EIF3J: variants seen among roughly 807,000 people sequenced by gnomAD.
EIF3J encodes eukaryotic translation initiation factor 3 subunit J.
A neutral mutation model predicts 39.0 loss-of-function variants in EIF3J; 15 were observed. The ratio of observed to expected loss-of-function variants is 0.38; its 90% CI spans 0.26 to 0.59. The LOEUF (loss-of-function observed/expected upper bound fraction) is 0.59, where lower values mean the gene tolerates loss of function less well. Ranked by LOEUF, EIF3J falls within the 20% of genes least tolerant of loss-of-function variation. The pLI, the probability that EIF3J is intolerant of heterozygous loss-of-function variation, is 0.60. For synonymous variants in EIF3J, 98 were observed against 112.9 expected, an observed-to-expected ratio of 0.87 and a Z score of 0.84; for missense variants, 226 against 308.6, an observed-to-expected ratio of 0.73 and a Z score of 2.00.
Position 44,557,517 on chromosome 15 carries a change from T to G in EIF3J, c.438T>G (p.Asp146Glu), listed in dbSNP as rs780564405. Residue 146 changes from aspartate (D) to glutamate (E), a missense_variant, in exon 6 of 8, where the codon GAT (aspartate) becomes GAG (glutamate). Asp to Glu is a conservative substitution (Grantham distance 45). Coordinates refer to ENST00000261868, the MANE Select transcript of EIF3J (RefSeq NM_003758.4). ...TTAATAATGCAGTTTATGGAATAGATGCTATGAACCCATCTTCAAGAGATG... is the reference window on the plus strand; with the variant it reads ...TTAATAATGCAGTTTATGGAATAGAGGCTATGAACCCATCTTCAAGAGATG... ...FGVNNAVYGI[D>E]AMNPSSRDDF... 1.2e-5 allele frequency: 19 copies of G among 1,543,712 alleles called. No individual in the cohort carries two copies. In the South Asian group the frequency reaches 2.4e-4, roughly 19 times the overall value.
intron 2 of EIF3J, among the ~76,000 whole-genome samples, chr15:44,539,697 GC>G (rs2081993070): frequency 6.6e-6 from 1 of 151,278 alleles, no homozygotes. Flanking sequence ...ACCACACCCG[GC>G]CCCAGTTGCT....
intron 5 of EIF3J, among the ~76,000 whole-genome samples, chr15:44,556,056 A>G (rs1359696398): frequency 6.6e-6 from 1 of 151,992 alleles, no homozygotes; most frequent in East Asian, 1.9e-4. Context: ...TTGTAGATAC[A>G]AGGTTTCACC....
rs755095039 is a variant in EIF3J at position 44,550,870 on chromosome 15, C to A, written c.148-6C>A. 1 of 1,584,462 alleles carries A rather than the reference C, an allele frequency of 6.3e-7. No homozygotes were observed. The highest frequency in any genetic ancestry group is 1.3e-5 in the African/African-American group (1 of 74,258). The stretch of plus-strand genomic sequence containing the variant: ...AAGAATTATTAATGGAAGTCCTTTT[C>A]TTTAGGATAACTGGGATGACGATGA... On this transcript the variant is annotated splice_region_variant and splice_polypyrimidine_tract_variant and intron_variant, in intron 2 of 7. Coordinates refer to ENST00000261868, the MANE Select transcript of EIF3J (RefSeq NM_003758.4).
At chr15:44,543,295 G>A (rs937795134) in intron 2 of EIF3J, among the ~76,000 whole-genome samples, 3 of 152,078 alleles carry the variant, frequency 2.0e-5, no homozygotes, top group Admixed American at 6.5e-5. Context: ...TAGTTTGGTA[G>A]TAACTTCAGG....
intron 4 of EIF3J, among the ~76,000 whole-genome samples, chr15:44,552,536 C>T (rs1159466100): frequency 6.6e-6 from 1 of 151,828 alleles, no homozygotes; most frequent in Non-Finnish European, 1.5e-5. Context: ...TGAGCCACCA[C>T]GTCCAGCCTA....
intron 5 of EIF3J, among the ~76,000 whole-genome samples, chr15:44,556,254 G>C (rs2082143436): frequency 6.6e-6 from 1 of 152,132 alleles, no homozygotes; most frequent in African/African-American, 2.4e-5. Flanking sequence ...ATCCATCTTT[G>C]TTTCTTATTC....
At chr15:44,548,435 A>C (rs2140895396) in intron 2 of EIF3J, among the ~76,000 whole-genome samples, 1 of 152,192 alleles carries the variant, frequency 6.6e-6, no homozygotes, top group South Asian at 2.1e-4. Flanking sequence ...GACCAAAAAA[A>C]CCCAGTATGG....
At chr15:44,560,139 G>A (rs1235620301) in intron 6 of EIF3J, 110 bp from the exon 7 acceptor site, 2 of 802,354 alleles carry the variant, frequency 2.5e-6, no homozygotes, top group Admixed American at 3.1e-5. Context: ...TAACACTTTT[G>A]GAATGTACAT....
At position 44,562,722 on chromosome 15, in the gene EIF3J, A is replaced by AAAGAT. The variant is rs886051173; in HGVS notation, c.*1574_*1578dup. The AAAGAT allele has an allele frequency of 2.9e-5, 5 of 169,834 alleles. No individual in the cohort carries two copies. The highest frequency in any genetic ancestry group is 1.2e-4 in the African/African-American group (5 of 41,698). 10.5% of individuals were successfully genotyped at this position (169,834 alleles called of 1,614,324 possible). ...GAATTGAAAATCTATTTTATTACAG[A>AAAGAT]AAGATCAGTTTCTAACAAATGAAAA... On this transcript the variant is annotated 3_prime_UTR_variant, in exon 8 of 8. Transcript: ENST00000261868.
At chr15:44,559,410 C>CA (rs199994058) in intron 6 of EIF3J, among the ~76,000 whole-genome samples, 187 of 136,606 alleles carry the variant, frequency 1.4e-3, no homozygotes, top group Middle Eastern at 4.6e-3. Flanking sequence ...GACTCTGTCT[C>CA]AAAAAAAAAA....
chr15:44,545,466 C>T (rs1025828747), intron 2 of EIF3J, among the ~76,000 whole-genome samples: 11 of 151,978 alleles, frequency 7.2e-5, no homozygotes, highest in African/African-American at 2.2e-4. Context: ...TCTACTAAAC[C>T]GTGAACTTTG....
chr15:44,543,046 G>C (rs1221345373), intron 2 of EIF3J, among the ~76,000 whole-genome samples: 1 of 152,116 alleles, frequency 6.6e-6, no homozygotes, highest in Non-Finnish European at 1.5e-5. Flanking sequence ...ATTTGCTGCT[G>C]GAATTTACAA....
At chr15:44,538,346 T>C (rs200172725) in intron 2 of EIF3J, among the ~76,000 whole-genome samples, 1 of 152,186 alleles carries the variant, frequency 6.6e-6, no homozygotes, top group South Asian at 2.1e-4. Flanking sequence ...GTTAAGACTC[T>C]TATTAACAAA....
At chr15:44,556,607 A>G (rs2082146129) in intron 5 of EIF3J, among the ~76,000 whole-genome samples, 1 of 152,070 alleles carries the variant, frequency 6.6e-6, no homozygotes, top group South Asian at 2.1e-4. Flanking sequence ...CCTGGGTTGA[A>G]GTGATTCTCG....
In EIF3J at chr15:44,561,880, G is replaced by GTGTC. The variant is rs2082200915; in HGVS notation, c.*734_*737dup. 6.6e-6 allele frequency: 1 copy of GTGTC among 152,610 alleles called. No individual in the cohort carries two copies. The highest frequency in any genetic ancestry group is 2.1e-4 in the South Asian group (1 of 4,832). The allele number at this position is 152,610 out of a possible 1,614,324, so 9.5% of individuals were successfully genotyped here. On this transcript the variant is annotated 3_prime_UTR_variant, in exon 8 of 8. Transcript: ENST00000261868. ...ACTTATTTTTATTTGCCTGATTTAAGTGTCTGAGAAACAAATCTTTGTTCT... is the reference window on the plus strand; with the variant it reads ...ACTTATTTTTATTTGCCTGATTTAAGTGTCTGTCTGAGAAACAAATCTTTGTTCT...
Position 44,562,587 on chromosome 15 carries a change from A to AAATT in EIF3J, c.*1441_*1444dup, listed in dbSNP as rs1232782725. On this transcript the variant is annotated 3_prime_UTR_variant, in exon 8 of 8. Transcript: ENST00000261868. ...AAGACCATCATCTAAGTGATTTGAG[A>AAATT]AATTAACAAAAGTAGTGACTACACA... is the stretch of plus-strand genomic sequence containing the variant. 2 of 153,414 alleles carry AAATT rather than the reference A, an allele frequency of 1.3e-5. No individual in the cohort carries two copies. The highest frequency in any genetic ancestry group is 2.9e-5 in the Non-Finnish European group (2 of 68,680). The allele number at this position is 153,414 out of a possible 1,614,324, so 9.5% of individuals were successfully genotyped here. A position where few individuals can be genotyped will look rare whatever the true frequency, so the allele number is the denominator to read the frequency against.
chr15:44,537,431 G>C lies in EIF3J; in HGVS notation c.147+4G>C, dbSNP rs545563278. 2 of 1,548,586 alleles carry C rather than the reference G, an allele frequency of 1.3e-6. No homozygotes were observed. The highest frequency in any genetic ancestry group is 1.2e-5 in the South Asian group (1 of 83,958). ...GGACGAGGACGAGGACGTCAAGGTG[G>C]GTGCGGGCTAGGGCGCCGGGCAGCG... On this transcript the variant is annotated splice_donor_region_variant and intron_variant, in intron 2 of 7. Coordinates refer to ENST00000261868, the MANE Select transcript of EIF3J (RefSeq NM_003758.4).
At chr15:44,557,269 TAG>T (rs1441811572) in intron 5 of EIF3J, among the ~76,000 whole-genome samples, 1 of 152,124 alleles carries the variant, frequency 6.6e-6, no homozygotes, top group Non-Finnish European at 1.5e-5. Flanking sequence ...AATGCTGAAT[TAG>T]AGGTTAATAA....
rs1057468620 is a variant in EIF3J, at chr15:44,561,461, CA to C, written c.*320del. The C allele has an allele frequency of 1.7e-4, 39 of 224,856 alleles. No individual in the cohort carries two copies. Among genetic ancestry groups the C allele is most frequent in the South Asian group, 3.9e-4 (5 of 12,904 alleles). 13.9% of individuals were successfully genotyped at this position (224,856 alleles called of 1,614,324 possible). On this transcript the variant is annotated 3_prime_UTR_variant, in exon 8 of 8. Transcript: ENST00000261868. ...TTGGAAACAAAAGGTTGCAACGTGA[CA>C]AAAAAAATTGTGTAGTATTTACCAG...
Sources: gnomAD v4.1 joint callset for allele counts (sites outside exome capture counted in the v4.1 genomes callset) on GRCh38, gnomAD v4.1.1 for gene constraint, MANE v1.5 for transcripts, NCBI Gene and HGNC (gene_info 2026-07-23, HGNC 2026-07-21) for gene names.